MAP2K5: variants seen among roughly 807,000 people sequenced by gnomAD.
MAP2K5 encodes the protein dual specificity mitogen-activated protein kinase kinase 5.
In MAP2K5, 49 loss-of-function variants were observed where a neutral mutation model predicts 83.1. The ratio of observed to expected loss-of-function variants is 0.59; its 90% confidence interval spans 0.47 to 0.75. The LOEUF (loss-of-function observed/expected upper bound fraction) is 0.75, where lower values mean the gene tolerates loss of function less well. Among genes scored for constraint, MAP2K5 ranks in the 30% least tolerant of loss-of-function variants. The probability of loss-of-function intolerance (pLI) is 0.00; values close to 1 mark genes in which losing one functional copy is unlikely to be tolerated. For synonymous variants in MAP2K5, 202 were observed against 191.8 expected, an observed-to-expected ratio of 1.05 and a Z score of -0.44; for missense variants, 457 against 557.5, an observed-to-expected ratio of 0.82 and a Z score of 1.82.
intron 12 of MAP2K5, chr15:67,659,340 A>G (rs1173596472): frequency 1.9e-5 from 3 of 154,120 alleles, no homozygotes; most frequent in Admixed American, 1.9e-4. Context: ...GAACAAAGTG[A>G]TTGTACCATG....
rs144228937 is a variant in MAP2K5 at position 67,732,107 on chromosome 15, G to A, written c.1074+4162G>A. On this transcript the variant is annotated intron_variant, in intron 17 of 21. Coordinates refer to ENST00000178640, the MANE Select transcript of MAP2K5 (RefSeq NM_145160.3). The stretch of plus-strand genomic sequence containing the variant: ...AAAATTGCATTTTTAAATATCTTGC[G>A]AACAGTTTCTCAATTTCTGGAACAA... 1.3e-3 allele frequency among the ~76,000 whole-genome samples: 202 copies of A among 152,254 alleles called. 1 individual carries two copies. The highest frequency in any genetic ancestry group is 2.3e-3 in the Non-Finnish European group (157 of 68,026).
At chr15:67,631,074 A>G in intron 9 of MAP2K5, 147 bp downstream of exon 9, 2 of 620,830 alleles carry the variant, frequency 3.2e-6, no homozygotes, top group Non-Finnish European at 2.8e-6. Context: ...CTCTGGTGAC[A>G]TTCAGACACC....
chr15:67,801,699 C>G lies in MAP2K5; in HGVS notation c.1243-4947C>G, dbSNP rs1171977743. On this transcript the variant is annotated intron_variant, in intron 21 of 21. Transcript: ENST00000178640. This position sits in a 1 kb window ranked among gnomAD's most constrained non-coding sequence, Gnocchi z 4.8. The stretch of plus-strand genomic sequence containing the variant: ...CGGGAGGGTTCAGGAGAGCTGTGGT[C>G]AGATGTAAGGCATTCAGCCAATGCC... Among the ~76,000 whole-genome samples, 1 of 152,118 alleles carries G rather than the reference C, an allele frequency of 6.6e-6. No individual in the cohort carries two copies. The highest frequency in any genetic ancestry group is 1.5e-5 in the Non-Finnish European group (1 of 68,020).
intron 14 of MAP2K5, among the ~76,000 whole-genome samples, chr15:67,693,257 G>C (rs1031231129): frequency 3.3e-5 from 5 of 152,200 alleles, no homozygotes; most frequent in Non-Finnish European, 7.3e-5. Flanking sequence ...GGATACTAAA[G>C]CGATAAGTAT....
chr15:67,568,203 T>C (rs998640971), intron 3 of MAP2K5, among the ~76,000 whole-genome samples: 8 of 152,182 alleles, frequency 5.3e-5, no homozygotes, highest in African/African-American at 1.9e-4. Context: ...TATGAGACCT[T>C]GTATTATATT....
chr15:67,574,520 C>T (rs2085013943), intron 3 of MAP2K5, among the ~76,000 whole-genome samples: 1 of 151,128 alleles, frequency 6.6e-6, no homozygotes, highest in Admixed American at 6.6e-5. Flanking sequence ...TGTATTGAGC[C>T]AGGATCGCAC....
chr15:67,545,117 T>C (rs899213081), intron 1 of MAP2K5, among the ~76,000 whole-genome samples: 3 of 152,224 alleles, frequency 2.0e-5, no homozygotes, highest in Admixed American at 2.0e-4. Flanking sequence ...GTCTGCACTC[T>C]GCTCTTCACC....
chr15:67,751,638 A>G (rs539284013), intron 19 of MAP2K5, among the ~76,000 whole-genome samples: 1 of 152,326 alleles, frequency 6.6e-6, no homozygotes, highest in Non-Finnish European at 1.5e-5. Context: ...TTAGAAAGAA[A>G]TGTTTCTAAC....
At chr15:67,759,282 G>A (rs907044864) in intron 19 of MAP2K5, among the ~76,000 whole-genome samples, 1 of 152,136 alleles carries the variant, frequency 6.6e-6, no homozygotes, top group Non-Finnish European at 1.5e-5. Context: ...GGTTAGGCCA[G>A]GCACGGTGGC....
At chr15:67,613,372 T>C (rs2085977289) in intron 8 of MAP2K5, among the ~76,000 whole-genome samples, 1 of 152,212 alleles carries the variant, frequency 6.6e-6, no homozygotes, top group Non-Finnish European at 1.5e-5. Context: ...CATGCTTACT[T>C]GCCAGCCAAG....
chr15:67,746,282 C>T lies in MAP2K5; in HGVS notation c.1075-1949C>T, dbSNP rs1366497688. ...AACCTCTCACTTAGAATGTTTGCTG[C>T]ATGTTCTCCTCAGAGAATGTTGTCA... On this transcript the variant is annotated intron_variant, in intron 17 of 21. Coordinates refer to ENST00000178640, the MANE Select transcript of MAP2K5 (RefSeq NM_145160.3). The surrounding 1 kb of genome is among the most constrained non-coding windows in gnomAD (Gnocchi z 4.1). Among the ~76,000 whole-genome samples the T allele has an allele frequency of 6.6e-6, 1 of 152,118 alleles. No homozygotes were observed. Among genetic ancestry groups the T allele is most frequent in the Non-Finnish European group, 1.5e-5 (1 of 68,002 alleles).
In MAP2K5 at chr15:67,600,741, A is replaced by G; in HGVS notation, c.537A>G (p.Thr179=). The G allele has an allele frequency of 6.2e-7, 1 of 1,605,224 alleles. No individual in the cohort carries two copies. Among genetic ancestry groups the G allele is most frequent in the Non-Finnish European group, 8.5e-7 (1 of 1,177,006 alleles). ...CTCTTGGTCATGGCAACGGAGGCAC[A>G]GTCTACAAGTGAGTAGTCAATTTTG... ...RDTLGHGNGG[T]VYKAYHVPSG... Residue 179 remains threonine, a synonymous_variant, in exon 8 of 22, where the codon ACA becomes ACG. Transcript: ENST00000178640.
chr15:67,738,294 C>T lies in MAP2K5; in HGVS notation c.1075-9937C>T, dbSNP rs542041449. Among the ~76,000 whole-genome samples the T allele has an allele frequency of 2.0e-5, 3 of 152,300 alleles. No individual in the cohort carries two copies. Among genetic ancestry groups the T allele is most frequent in the East Asian group, 1.9e-4 (1 of 5,174 alleles). On this transcript the variant is annotated intron_variant, in intron 17 of 21. Transcript: ENST00000178640. This position sits in a 1 kb window ranked among gnomAD's most constrained non-coding sequence, Gnocchi z 4.1. Reference sequence around the variant, plus strand: ...ACTCTTCTGGGCATAAGGCATGAGGCGACCTGGACTCCAGGCCTAGTTGGT... The same window carrying T: ...ACTCTTCTGGGCATAAGGCATGAGGTGACCTGGACTCCAGGCCTAGTTGGT...
intron 16 of MAP2K5, among the ~76,000 whole-genome samples, chr15:67,712,284 G>T (rs1402963152): frequency 1.3e-5 from 2 of 152,164 alleles, no homozygotes; most frequent in Admixed American, 1.3e-4. Flanking sequence ...CAGACGTTTG[G>T]AGTTCCCCCA....
intron 21 of MAP2K5, among the ~76,000 whole-genome samples, chr15:67,791,428 G>A (rs1406502080): frequency 2.6e-5 from 4 of 152,148 alleles, no homozygotes; most frequent in African/African-American, 4.8e-5. Flanking sequence ...TTGGGCTCAG[G>A]CATCATTACC....
At chr15:67,656,577 C>T (rs960750718) in intron 11 of MAP2K5, among the ~76,000 whole-genome samples, 9 of 152,122 alleles carry the variant, frequency 5.9e-5, no homozygotes, top group African/African-American at 2.2e-4. Flanking sequence ...GATCCTCCCT[C>T]CTTGGCCTCC....
intron 8 of MAP2K5, among the ~76,000 whole-genome samples, chr15:67,615,821 C>G (rs536133210): frequency 1.3e-5 from 2 of 152,200 alleles, no homozygotes; most frequent in Non-Finnish European, 2.9e-5. Context: ...TCGCAAGGTA[C>G]TAAAAGATTT....
chr15:67,609,008 T>C (rs1308913798), intron 8 of MAP2K5, among the ~76,000 whole-genome samples: 1 of 152,142 alleles, frequency 6.6e-6, no homozygotes, highest in African/African-American at 2.4e-5. Flanking sequence ...CAATGTGTTG[T>C]TCATTGCTGG....
At position 67,785,169 on chromosome 15, in the gene MAP2K5, T is replaced by A. The variant is rs892959088; in HGVS notation, c.1242+12417T>A. ...CATGTTGCCCAGGCTGGTCTCAAAC[T>A]CCTGACCTCAAGTGATCCGCCTGCC... On this transcript the variant is annotated intron_variant, in intron 21 of 21. Transcript: ENST00000178640. This position sits in a 1 kb window ranked among gnomAD's most constrained non-coding sequence, Gnocchi z 4.4. Among the ~76,000 whole-genome samples the A allele has an allele frequency of 5.9e-5, 9 of 152,156 alleles. No homozygotes were observed. The highest frequency in any genetic ancestry group is 2.2e-4 in the African/African-American group (9 of 41,418).
Sources: gnomAD v4.1 joint callset for allele counts (sites outside exome capture counted in the v4.1 genomes callset) on GRCh38, gnomAD v4.1.1 for gene constraint, Gnocchi (gnomAD v3.1) non-coding constraint, MANE v1.5 for transcripts, NCBI Gene and HGNC (gene_info 2026-07-23, HGNC 2026-07-21) for gene names.